Variants in CADPS2 observed in about 807,000 individuals in gnomAD.
CADPS2 encodes the protein calcium dependent secretion activator 2.
Under a neutral mutation model 172.5 loss-of-function variants are expected in CADPS2, and 93 were observed. That is an observed-to-expected ratio of 0.54 (90% CI 0.46 to 0.64). The LOEUF (loss-of-function observed/expected upper bound fraction) is 0.64, where lower values mean the gene tolerates loss of function less well. Among genes scored for constraint, CADPS2 ranks in the 30% least tolerant of loss-of-function variants. The probability of loss-of-function intolerance (pLI) is 0.00; values close to 1 mark genes in which losing one functional copy is unlikely to be tolerated. For missense variants in CADPS2, 1,420 were observed against 1,565.9 expected, an observed-to-expected ratio of 0.91 and a Z score of 1.57; for synonymous variants, 546 against 555.2, an observed-to-expected ratio of 0.98 and a Z score of 0.23.
intron 28 of CADPS2, among the ~76,000 whole-genome samples, chr7:122,334,367 T>A (rs1406452749): frequency 6.6e-6 from 1 of 152,220 alleles, no homozygotes; most frequent in Non-Finnish European, 1.5e-5. Context: ...TTAGGAGGCA[T>A]GGCTGGATGT....
chr7:122,638,068 GGA>G (rs989841920), intron 3 of CADPS2, among the ~76,000 whole-genome samples: 2 of 152,150 alleles, frequency 1.3e-5, no homozygotes, highest in Admixed American at 6.5e-5. Flanking sequence ...TGTGGTCAGG[GGA>G]GAGAGAGCTG....
At chr7:122,871,854 T>C (rs528759808) in intron 1 of CADPS2, among the ~76,000 whole-genome samples, 2 of 152,208 alleles carry the variant, frequency 1.3e-5, no homozygotes, top group South Asian at 2.1e-4. Context: ...TTCTTCTCCA[T>C]TTCCTTCTCC....
intron 28 of CADPS2, among the ~76,000 whole-genome samples, chr7:122,336,380 T>C (rs1057149372): frequency 1.3e-5 from 2 of 152,168 alleles, no homozygotes; most frequent in South Asian, 4.1e-4. Flanking sequence ...GTAGTAGCTA[T>C]CTGTTCTATG....
intron 2 of CADPS2, among the ~76,000 whole-genome samples, chr7:122,674,161 G>A (rs1377334736): frequency 6.6e-6 from 1 of 152,074 alleles, no homozygotes; most frequent in Non-Finnish European, 1.5e-5. Flanking sequence ...CGGAACTCAC[G>A]CTGTCCTGCA....
At chr7:122,625,211 C>T (rs772263597) in intron 4 of CADPS2, among the ~76,000 whole-genome samples, 13 of 152,086 alleles carry the variant, frequency 8.5e-5, no homozygotes, top group South Asian at 2.1e-4. Context: ...CCACCACGCC[C>T]GGCTAATTTT....
rs551902560 is a variant in CADPS2 at position 122,693,855 on chromosome 7, T to C, written c.454-30286A>G. On this transcript the variant is annotated intron_variant, in intron 2 of 29. Coordinates refer to ENST00000449022, the MANE Select transcript of CADPS2 (RefSeq NM_017954.11). ...GTGGTGCACACCTGTAATCAGCTACTTGGGAGGCTGAGGAAGGAGAATCAC... is the reference window on the plus strand; with the variant it reads ...GTGGTGCACACCTGTAATCAGCTACCTGGGAGGCTGAGGAAGGAGAATCAC... Among the ~76,000 whole-genome samples the C allele has an allele frequency of 2.8e-4, 43 of 152,052 alleles. 1 individual carries two copies. The highest frequency in any genetic ancestry group is 5.1e-4 in the Non-Finnish European group (35 of 68,006).
At chr7:122,845,134 T>C (rs1811634163) in intron 1 of CADPS2, among the ~76,000 whole-genome samples, 1 of 152,142 alleles carries the variant, frequency 6.6e-6, no homozygotes, top group African/African-American at 2.4e-5. Context: ...CTGTCATCAG[T>C]CAGAAGCAGG....
At chr7:122,593,358 G>GCCCT (rs1325687126) in intron 6 of CADPS2, among the ~76,000 whole-genome samples, 1 of 151,942 alleles carries the variant, frequency 6.6e-6, no homozygotes, top group Non-Finnish European at 1.5e-5. Flanking sequence ...CATTACCTGA[G>GCCCT]CCCTCGCCCA....
chr7:122,597,536 T>C (rs1243022918), intron 6 of CADPS2, among the ~76,000 whole-genome samples: 1 of 152,048 alleles, frequency 6.6e-6, no homozygotes, highest in Non-Finnish European at 1.5e-5. Flanking sequence ...AATTATAGAA[T>C]ACTCCACACG....
intron 1 of CADPS2, among the ~76,000 whole-genome samples, chr7:122,850,599 G>A (rs1813296988): frequency 6.6e-6 from 1 of 152,162 alleles, no homozygotes; most frequent in African/African-American, 2.4e-5. Flanking sequence ...AGGGAGCTGG[G>A]GAAACTCAAA....
At chr7:122,433,434 G>C (rs73216125) in intron 17 of CADPS2, among the ~76,000 whole-genome samples, 41,087 of 128,380 alleles carry the variant, frequency 0.32, 6,115 homozygotes, top group Middle Eastern at 0.45. Context: ...ATGGAGTTTT[G>C]CTCTTGTTGC....
chr7:122,536,962 A>ATTT, intron 8 of CADPS2, among the ~76,000 whole-genome samples: 1 of 152,010 alleles, frequency 6.6e-6, no homozygotes. Context: ...TAAGCGGGAG[A>ATTT]TAAATGATGA....
chr7:122,388,639 G>C lies in CADPS2; in HGVS notation c.3108C>G (p.His1036Gln), dbSNP rs1175790752. Reference protein sequence around the residue: ...LHWPEQEFAHHLEQRLKLMAS... With the variant: ...LHWPEQEFAHQLEQRLKLMAS... The stretch of plus-strand genomic sequence containing the variant: ...CCATTAGTTTAAGTCTTTGCTCTAA[G>C]TGGTGGGCAAATTCCTGTTCTGGCC... The change falls in exon 23 of 30, where the codon CAC (histidine) becomes CAG (glutamine). Residue 1036 changes from histidine (H) to glutamine (Q), a missense_variant. Physicochemically the swap from His to Gln is conservative, Grantham distance 24 (BLOSUM62 0). Transcript: ENST00000449022. 1.2e-6 allele frequency: 2 copies of C among 1,610,452 alleles called. No individual in the cohort carries two copies. Among genetic ancestry groups the C allele is most frequent in the Non-Finnish European group, 8.5e-7 (1 of 1,177,948 alleles).
chr7:122,679,753 T>C (rs1211763127), intron 2 of CADPS2, among the ~76,000 whole-genome samples: 1 of 152,064 alleles, frequency 6.6e-6, no homozygotes, highest in African/African-American at 2.4e-5. Flanking sequence ...TCCCTTTATT[T>C]CTCAGACCGG....
chr7:122,541,832 C>CAT lies in CADPS2; in HGVS notation c.1475+12716_1475+12717dup, dbSNP rs5887098. ...TTATATATTCATATGTTTATATATT[C>CAT]ATATGTTTATATATTCATATATATT... is the stretch of plus-strand genomic sequence containing the variant. On this transcript the variant is annotated intron_variant, in intron 8 of 29. Transcript: ENST00000449022. Among the ~76,000 whole-genome samples, 834 of 91,200 alleles carry CAT rather than the reference C, an allele frequency of 9.1e-3. 10 individuals carry two copies. The highest frequency in any genetic ancestry group is 0.031 in the African/African-American group (769 of 24,806). 59.8% of individuals were successfully genotyped at this position (91,200 alleles called of 152,430 possible). A position where few individuals can be genotyped will look rare whatever the true frequency, so the allele number is the denominator to read the frequency against.
chr7:122,380,928 G>A (rs1356457573), intron 24 of CADPS2, among the ~76,000 whole-genome samples: 3 of 151,868 alleles, frequency 2.0e-5, no homozygotes, highest in Non-Finnish European at 4.4e-5. Flanking sequence ...GAAGGAAAAC[G>A]GGAGAGAAAA....
intron 7 of CADPS2, among the ~76,000 whole-genome samples, chr7:122,576,336 G>A (rs1005500421): frequency 6.6e-6 from 1 of 152,138 alleles, no homozygotes; most frequent in Non-Finnish European, 1.5e-5. Context: ...GTTATCAAGA[G>A]AGTATTGGCA....
intron 3 of CADPS2, among the ~76,000 whole-genome samples, chr7:122,643,907 A>G (rs2077987102): frequency 6.6e-6 from 1 of 152,124 alleles, no homozygotes; most frequent in African/African-American, 2.4e-5. Context: ...CTTGGGCAAC[A>G]TGGCAAAACC....
intron 3 of CADPS2, among the ~76,000 whole-genome samples, chr7:122,632,413 A>G (rs1010919353): frequency 7.9e-5 from 12 of 152,086 alleles, no homozygotes; most frequent in African/African-American, 2.7e-4. Context: ...CTGCTGTGAG[A>G]TGGTATCTAT....
Sources: gnomAD v4.1 joint callset for allele counts (sites outside exome capture counted in the v4.1 genomes callset) on GRCh38, gnomAD v4.1.1 for gene constraint, MANE v1.5 for transcripts, NCBI Gene and HGNC (gene_info 2026-07-23, HGNC 2026-07-21) for gene names.